The following MEI4 variants were observed in gnomAD, a reference collection of about 807,000 sequenced individuals.
The protein encoded by MEI4 is meiosis-specific protein MEI4.
MEI4 carries 27 observed loss-of-function variants against 31.4 expected under a neutral mutation model. That is an observed-to-expected ratio of 0.86 (90% confidence interval 0.63 to 1.19). The LOEUF is 1.19. MEI4 is among the 50% of genes most tolerant of loss of function. The pLI, the probability that MEI4 is intolerant of heterozygous loss-of-function variation, is 0.00. For missense variants in MEI4, 329 were observed against 398.9 expected (o/e 0.82, Z 1.49); for synonymous variants, 122 against 145.4 (o/e 0.84, Z 1.16).
At chr6:77,750,217 G>A (rs148735441) in intron 2 of MEI4, among the ~76,000 whole-genome samples, 1 of 152,092 alleles carries the variant, frequency 6.6e-6, no homozygotes, top group African/African-American at 2.4e-5. Context: ...ATCAACTAAC[G>A]GGCAAAAGAA....
At chr6:77,828,730 T>G (rs554329615) in intron 3 of MEI4, among the ~76,000 whole-genome samples, 2 of 152,336 alleles carry the variant, frequency 1.3e-5, no homozygotes, top group East Asian at 3.9e-4. Flanking sequence ...GTTTCATGTT[T>G]CAAAATATTA....
chr6:77,680,192 T>G (rs932263732), intron 1 of MEI4, among the ~76,000 whole-genome samples: 25 of 146,806 alleles, frequency 1.7e-4, no homozygotes, highest in African/African-American at 5.8e-4. Context: ...GGCAGCAGAA[T>G]GGCGTGAACC....
At position 77,899,643 on chromosome 6, in the gene MEI4, C is replaced by G. The variant is rs142878548; in HGVS notation, c.901-23446C>G. Among the ~76,000 whole-genome samples, 51 of 152,158 alleles carry G rather than the reference C, an allele frequency of 3.4e-4. No homozygotes were observed. The East Asian group carries it at 7.5e-3, about 22-fold the overall frequency. The stretch of plus-strand genomic sequence containing the variant: ...TTTTCCAGTGCTGGTGTGGATAAGT[C>G]CAGCTTGACTGCTAGTATGTAAAAA... On this transcript the variant is annotated intron_variant, in intron 4 of 4. Transcript: ENST00000684080.
intron 2 of MEI4, among the ~76,000 whole-genome samples, chr6:77,735,240 G>A (rs1230721223): frequency 6.6e-6 from 1 of 151,892 alleles, no homozygotes; most frequent in Admixed American, 6.6e-5. Flanking sequence ...TTCCAACTTG[G>A]CTCCATTCTC....
Position 77,794,240 on chromosome 6 carries a change from A to G in MEI4, c.768+32575A>G, listed in dbSNP as rs1344043185. Reference sequence around the variant, plus strand: ...TAATGTTAAAGGGGTCAGTTCCTTCAAGAGGAAATGACAGTTGTTAACATT... The same window carrying G: ...TAATGTTAAAGGGGTCAGTTCCTTCGAGAGGAAATGACAGTTGTTAACATT... On this transcript the variant is annotated intron_variant, in intron 3 of 4. Transcript: ENST00000684080. Among the ~76,000 whole-genome samples, 3 of 152,156 alleles carry G rather than the reference A, an allele frequency of 2.0e-5. No individual in the cohort carries two copies. In the East Asian group the frequency reaches 5.8e-4, roughly 29 times the overall value.
intron 2 of MEI4, among the ~76,000 whole-genome samples, chr6:77,730,634 A>G (rs903445788): frequency 6.6e-6 from 1 of 150,746 alleles, no homozygotes; most frequent in Non-Finnish European, 1.5e-5. Flanking sequence ...ACTTTTATTT[A>G]TTATTATTAT....
At chr6:77,856,060 C>T (rs913310110) in intron 4 of MEI4, among the ~76,000 whole-genome samples, 6 of 152,014 alleles carry the variant, frequency 3.9e-5, no homozygotes, top group South Asian at 2.1e-4. Context: ...GAAATCAGTT[C>T]GACAATTTCC....
At chr6:77,726,320 T>A (rs1766819365) in intron 2 of MEI4, among the ~76,000 whole-genome samples, 1 of 151,592 alleles carries the variant, frequency 6.6e-6, no homozygotes, top group African/African-American at 2.4e-5. Context: ...TCTACTTCTT[T>A]CTACACAGAC....
chr6:77,766,493 A>G (rs1277583132), intron 3 of MEI4, among the ~76,000 whole-genome samples: 1 of 152,152 alleles, frequency 6.6e-6, no homozygotes, highest in Non-Finnish European at 1.5e-5. Context: ...GGCTCACTGC[A>G]AGCTCTGCCT....
intron 1 of MEI4, among the ~76,000 whole-genome samples, chr6:77,670,936 TA>T (rs1008977912): frequency 4.6e-5 from 7 of 151,306 alleles, no homozygotes; most frequent in South Asian, 4.2e-4. Context: ...GATTTATAAA[TA>T]AAAAAAATTA....
At chr6:77,725,653 G>T (rs2127664996) in intron 2 of MEI4, among the ~76,000 whole-genome samples, 1 of 40,824 alleles carries the variant, frequency 2.4e-5, no homozygotes, top group Admixed American at 3.4e-4. Context: ...GAGAGGGTCA[G>T]CAGACAAACA....
intron 4 of MEI4, among the ~76,000 whole-genome samples, chr6:77,881,310 T>C (rs1393792661): frequency 6.6e-6 from 1 of 152,192 alleles, no homozygotes; most frequent in Non-Finnish European, 1.5e-5. Flanking sequence ...CTTCTTCAAC[T>C]ACAGAACCCT....
chr6:77,669,448 A>G lies in MEI4; in HGVS notation c.-15+16356A>G, dbSNP rs1053173987. Among the ~76,000 whole-genome samples the G allele has an allele frequency of 3.9e-5, 6 of 152,238 alleles. No homozygotes were observed. The East Asian group carries it at 1.2e-3, about 29-fold the overall frequency. The stretch of plus-strand genomic sequence containing the variant: ...CATCTTTTGCAGAATAATGCAGATA[A>G]TAAACAGAGATGTAATATGAAATGA... On this transcript the variant is annotated intron_variant, in intron 1 of 4. Coordinates refer to ENST00000684080, the MANE Select transcript of MEI4 (RefSeq NM_001322247.2).
At chr6:77,862,249 C>A (rs1217423105) in intron 4 of MEI4, among the ~76,000 whole-genome samples, 1 of 152,132 alleles carries the variant, frequency 6.6e-6, no homozygotes, top group Non-Finnish European at 1.5e-5. Flanking sequence ...GTGCAGCGCA[C>A]TGAGCATGAG....
At chr6:77,897,663 A>G (rs958674571) in intron 4 of MEI4, among the ~76,000 whole-genome samples, 3 of 152,058 alleles carry the variant, frequency 2.0e-5, no homozygotes, top group African/African-American at 7.2e-5. Context: ...CATATTAGAC[A>G]TAAACCCTTT....
At chr6:77,667,971 G>A (rs1768669740) in intron 1 of MEI4, among the ~76,000 whole-genome samples, 1 of 146,460 alleles carries the variant, frequency 6.8e-6, no homozygotes, top group Non-Finnish European at 1.5e-5. Context: ...AAAAAAAAAA[G>A]GCTTATAATT....
intron 4 of MEI4, among the ~76,000 whole-genome samples, chr6:77,877,241 A>ATGTG (rs56962264): frequency 1.8e-3 from 265 of 150,712 alleles, no homozygotes; most frequent in African/African-American, 5.5e-3. Context: ...TACCAACAGG[A>ATGTG]TGTGTGTGTG....
chr6:77,799,309 T>C (rs1382187445), intron 3 of MEI4, among the ~76,000 whole-genome samples: 1 of 152,246 alleles, frequency 6.6e-6, no homozygotes, highest in Admixed American at 6.5e-5. Flanking sequence ...AAGTGTCTGT[T>C]CATGTCCTTC....
intron 4 of MEI4, among the ~76,000 whole-genome samples, chr6:77,890,241 G>T (rs775921237): frequency 4.6e-5 from 7 of 152,288 alleles, no homozygotes; most frequent in Middle Eastern, 3.4e-3. Flanking sequence ...AAGCAGCTGG[G>T]AGGGGAGCTA....
Sources: gnomAD v4.1 joint callset for allele counts (sites outside exome capture counted in the v4.1 genomes callset) on GRCh38, gnomAD v4.1.1 for gene constraint, MANE v1.5 for transcripts, NCBI Gene and HGNC (gene_info 2026-07-23, HGNC 2026-07-21) for gene names.